LUZP2: variants seen among roughly 807,000 people sequenced by gnomAD.
LUZP2 encodes the protein leucine zipper protein 2.
Under a neutral mutation model 51.6 loss-of-function variants are expected in LUZP2, and 52 were observed. The observed-to-expected ratio is 1.01, with a 90% CI of 0.81 to 1.27. The LOEUF is 1.27. LUZP2 is among the 50% of genes most tolerant of loss of function. LUZP2 has a pLI of 0.00. For missense variants in LUZP2, 436 were observed against 395.4 expected (o/e 1.10, Z -0.87); for synonymous variants, 154 against 137.3 (o/e 1.12, Z -0.85).
chr11:24,999,723 C>A (rs1045850087), intron 9 of LUZP2, among the ~76,000 whole-genome samples: 2 of 152,126 alleles, frequency 1.3e-5, no homozygotes, highest in African/African-American at 4.8e-5. Flanking sequence ...GCACTTCTCA[C>A]AAATAAATTG....
intron 9 of LUZP2, among the ~76,000 whole-genome samples, chr11:25,008,784 C>G (rs1477136525): frequency 6.6e-6 from 1 of 152,084 alleles, no homozygotes; most frequent in Admixed American, 6.6e-5. Flanking sequence ...GTCCCAGAAG[C>G]AGGAGGCCCA....
At chr11:24,880,824 C>A (rs1453454239) in intron 5 of LUZP2, among the ~76,000 whole-genome samples, 2 of 151,888 alleles carry the variant, frequency 1.3e-5, no homozygotes, top group Non-Finnish European at 2.9e-5. Context: ...ATGCTAGACA[C>A]CTATTAGCTG....
intron 5 of LUZP2, among the ~76,000 whole-genome samples, chr11:24,774,362 CTA>C (rs1554989374): frequency 7.3e-4 from 56 of 76,302 alleles, no homozygotes; most frequent in Middle Eastern, 8.2e-3. Context: ...CTCTCTCTCT[CTA>C]TATATATATA....
At chr11:24,606,814 A>G (rs1233767136) in intron 1 of LUZP2, among the ~76,000 whole-genome samples, 3 of 152,024 alleles carry the variant, frequency 2.0e-5, no homozygotes, top group African/African-American at 7.2e-5. Context: ...AAAACTCATT[A>G]TATTTTGACT....
chr11:25,040,467 G>A (rs1858020866), intron 9 of LUZP2, among the ~76,000 whole-genome samples: 1 of 149,260 alleles, frequency 6.7e-6, no homozygotes. Context: ...TTTCACACAA[G>A]TAGAAAATCA....
chr11:24,527,903 A>G (rs1850864072), intron 1 of LUZP2, among the ~76,000 whole-genome samples: 2 of 151,334 alleles, frequency 1.3e-5, no homozygotes, highest in Admixed American at 1.3e-4. Flanking sequence ...AGTGTGATTT[A>G]TAATTGGTAG....
At chr11:24,544,984 C>G (rs531270708) in intron 1 of LUZP2, among the ~76,000 whole-genome samples, 7 of 152,194 alleles carry the variant, frequency 4.6e-5, no homozygotes, top group African/African-American at 7.2e-5. Flanking sequence ...GTCATTCTGA[C>G]TGGTGTGAGA....
At chr11:25,023,405 T>G (rs1461699324) in intron 9 of LUZP2, among the ~76,000 whole-genome samples, 2 of 152,142 alleles carry the variant, frequency 1.3e-5, no homozygotes, top group Non-Finnish European at 2.9e-5. Flanking sequence ...AACCATTTCT[T>G]CTAGATTTTC....
At chr11:24,800,778 A>G (rs915664463) in intron 5 of LUZP2, among the ~76,000 whole-genome samples, 2 of 152,174 alleles carry the variant, frequency 1.3e-5, no homozygotes, top group African/African-American at 2.4e-5. Context: ...AGAAAACATA[A>G]GAAAGATAAA....
At chr11:24,998,580 T>C (rs781068510) in intron 9 of LUZP2, among the ~76,000 whole-genome samples, 1 of 152,200 alleles carries the variant, frequency 6.6e-6, no homozygotes, top group Non-Finnish European at 1.5e-5. Flanking sequence ...GAACATGATA[T>C]TCAGGAAAAA....
chr11:25,064,267 C>T (rs1030388639), intron 10 of LUZP2, among the ~76,000 whole-genome samples: 1 of 151,708 alleles, frequency 6.6e-6, no homozygotes, highest in African/African-American at 2.4e-5. Context: ...ATTTAAAACA[C>T]CATTAATATT....
chr11:24,798,987 C>T (rs76309907), intron 5 of LUZP2, among the ~76,000 whole-genome samples: 1,637 of 152,190 alleles, frequency 0.011, 27 homozygotes, highest in African/African-American at 0.036. Context: ...TTGAGGCACA[C>T]AAAATTTACA....
chr11:25,055,072 G>A (rs577791489), intron 10 of LUZP2, among the ~76,000 whole-genome samples: 52 of 141,628 alleles, frequency 3.7e-4, no homozygotes, highest in African/African-American at 1.3e-3. Flanking sequence ...GTGCCCTGGC[G>A]CGATCTCGGC....
intron 1 of LUZP2, among the ~76,000 whole-genome samples, chr11:24,609,132 G>A (rs931450387): frequency 3.9e-5 from 6 of 152,056 alleles, no homozygotes; most frequent in African/African-American, 1.2e-4. Context: ...GTAGACTACC[G>A]AGGCACTGAC....
At chr11:25,041,588 T>C (rs1858060917) in intron 9 of LUZP2, among the ~76,000 whole-genome samples, 2 of 152,202 alleles carry the variant, frequency 1.3e-5, no homozygotes, top group Admixed American at 6.5e-5. Flanking sequence ...TATGAATTGA[T>C]TATATACGTA....
chr11:24,641,591 T>A (rs1313313029), intron 1 of LUZP2, among the ~76,000 whole-genome samples: 1 of 151,870 alleles, frequency 6.6e-6, no homozygotes, highest in Non-Finnish European at 1.5e-5. Context: ...CCCTTCAAAT[T>A]GAATATTTAC....
chr11:24,959,478 G>T (rs900829024), intron 7 of LUZP2, among the ~76,000 whole-genome samples: 1 of 152,218 alleles, frequency 6.6e-6, no homozygotes, highest in Admixed American at 6.5e-5. Context: ...CACGTCCCTT[G>T]TAAGTTGGAT....
intron 4 of LUZP2, among the ~76,000 whole-genome samples, chr11:24,740,895 A>T (rs146785110): frequency 1.1e-4 from 16 of 152,206 alleles, no homozygotes; most frequent in African/African-American, 3.4e-4. Flanking sequence ...TGATGCATGC[A>T]CTGTTGAGCA....
At chr11:24,927,471 T>C (rs1411263665) in intron 7 of LUZP2, among the ~76,000 whole-genome samples, 2 of 151,624 alleles carry the variant, frequency 1.3e-5, no homozygotes, top group Non-Finnish European at 3.0e-5. Flanking sequence ...ATTCTCCTAT[T>C]ATGTGGCTTA....
Sources: gnomAD v4.1 joint callset for allele counts (sites outside exome capture counted in the v4.1 genomes callset) on GRCh38, gnomAD v4.1.1 for gene constraint, MANE v1.5 for transcripts, NCBI Gene and HGNC (gene_info 2026-07-23, HGNC 2026-07-21) for gene names.